MYOF: variants seen among roughly 807,000 people sequenced by gnomAD.
MYOF encodes myoferlin.
Under a neutral mutation model 284.2 loss-of-function variants are expected in MYOF, and 244 were observed. That is an observed-to-expected ratio of 0.86 (90% CI 0.77 to 0.95). The LOEUF (loss-of-function observed/expected upper bound fraction) is 0.95. Ranked by LOEUF, MYOF falls within the 40% of genes least tolerant of loss-of-function variation. The pLI, the probability that MYOF is intolerant of heterozygous loss-of-function variation, is 0.00. For synonymous variants in MYOF, 904 were observed against 919.7 expected, an observed-to-expected ratio of 0.98 and a Z score of 0.31; for missense variants, 2,496 against 2,560.6, an observed-to-expected ratio of 0.97 and a Z score of 0.54.
chr10:93,329,545 A>AT (rs1232826879), intron 44 of MYOF, 119 bp downstream of exon 44: 1 of 1,005,376 alleles, frequency 9.9e-7, no homozygotes, highest in Admixed American at 2.7e-5. Context: ...TGAAATCCAT[A>AT]CCTGAGTGAT....
intron 1 of MYOF, among the ~76,000 whole-genome samples, chr10:93,458,879 T>C (rs1309812918): frequency 2.0e-5 from 3 of 152,214 alleles, no homozygotes; most frequent in African/African-American, 7.2e-5. Context: ...TAGTGGGTTT[T>C]GTTTAGCTAA....
At position 93,351,227 on chromosome 10, in the gene MYOF, G is replaced by T. The variant is rs1178048043; in HGVS notation, c.3891C>A (p.Ile1297=). The T allele has an allele frequency of 2.5e-6, 4 of 1,614,120 alleles. No homozygotes were observed. The Admixed American group carries it at 6.7e-5, about 27-fold the overall frequency. The stretch of plus-strand genomic sequence containing the variant: ...TGGCAGTGAGCTGGACCACAGGCCT[G>T]ATCCCCTGGGGGACCATGTATAGAT... ...APNLYMVPQG[I]RPVVQLTAIE... The change falls in exon 35 of 54, where the codon ATC becomes ATA. Residue 1297 remains isoleucine, a synonymous_variant. Coordinates refer to ENST00000359263, the MANE Select transcript of MYOF (RefSeq NM_013451.4).
intron 3 of MYOF, among the ~76,000 whole-genome samples, chr10:93,436,596 T>C (rs1376310304): frequency 6.6e-6 from 1 of 152,206 alleles, no homozygotes; most frequent in African/African-American, 2.4e-5. Flanking sequence ...ACAGAACTTC[T>C]AGGAGTTTTC....
At chr10:93,455,761 C>A (rs2134323315) in intron 2 of MYOF, among the ~76,000 whole-genome samples, 1 of 152,158 alleles carries the variant, frequency 6.6e-6, no homozygotes, top group South Asian at 2.1e-4. Flanking sequence ...GGAGGGGAGC[C>A]TTCATGGCCT....
intron 7 of MYOF, among the ~76,000 whole-genome samples, chr10:93,405,589 C>T (rs1564691110): frequency 6.6e-6 from 1 of 151,814 alleles, no homozygotes; most frequent in African/African-American, 2.4e-5. Flanking sequence ...CCACCATGCC[C>T]GTTGTTTTGT....
At chr10:93,431,314 T>G in intron 4 of MYOF, 94 bp downstream of exon 4, 6 of 1,020,810 alleles carry the variant, frequency 5.9e-6, no homozygotes, top group Non-Finnish European at 8.9e-6. Flanking sequence ...ATTACAGGTG[T>G]GAGCCACCAC....
rs1485774799 is a variant in MYOF at position 93,401,526 on chromosome 10, C to A, written c.1009G>T (p.Asp337Tyr). The A allele has an allele frequency of 6.2e-7, 1 of 1,614,082 alleles. No individual in the cohort carries two copies. The highest frequency in any genetic ancestry group is 1.3e-5 in the African/African-American group (1 of 75,018). The part of the protein sequence containing the change: ...DEPPPERRDR[D>Y]NDSDDVESNL... ...CTCTCCACATCATCACTGTCATTAT[C>A]ACGATCTCGTCTCTCAGGCTATTAG... The change falls in exon 12 of 54, where the codon GAT becomes TAT. Residue 337 changes from aspartate (D) to tyrosine (Y), a missense_variant. Asp to Tyr is a radical substitution (Grantham distance 160). Coordinates refer to ENST00000359263, the MANE Select transcript of MYOF (RefSeq NM_013451.4).
intron 37 of MYOF, among the ~76,000 whole-genome samples, chr10:93,345,609 A>C (rs891027552): frequency 6.6e-6 from 1 of 152,224 alleles, no homozygotes; most frequent in African/African-American, 2.4e-5. Flanking sequence ...AGTACAGAAC[A>C]AGACAACCAG....
At chr10:93,468,109 C>T (rs542967015) in intron 1 of MYOF, among the ~76,000 whole-genome samples, 78 of 152,270 alleles carry the variant, frequency 5.1e-4, no homozygotes, top group Non-Finnish European at 9.4e-4. Flanking sequence ...ATTCAAGGCA[C>T]AAGAAAGTTA....
intron 5 of MYOF, among the ~76,000 whole-genome samples, chr10:93,416,894 G>A (rs1240380716): frequency 2.6e-5 from 4 of 152,236 alleles, no homozygotes; most frequent in Non-Finnish European, 4.4e-5. Context: ...CACTGCACCC[G>A]GCCATGACCA....
rs11187449 is a variant in MYOF, at chr10:93,476,684, C to T, written c.88+5423G>A. ...GAGATTAACTCCCTTTCAGATAAGCCATTACAGCCCCATTTTTCAAAAGAA... is the reference window on the plus strand; with the variant it reads ...GAGATTAACTCCCTTTCAGATAAGCTATTACAGCCCCATTTTTCAAAAGAA... On this transcript the variant is annotated intron_variant, in intron 1 of 53. Transcript: ENST00000359263. Among the ~76,000 whole-genome samples, 665 of 152,096 alleles carry T rather than the reference C, an allele frequency of 4.4e-3. 10 individuals carry two copies. In the East Asian group the frequency reaches 0.049, roughly 11 times the overall value.
At chr10:93,439,623 G>C (rs867414585) in intron 3 of MYOF, among the ~76,000 whole-genome samples, 2 of 152,182 alleles carry the variant, frequency 1.3e-5, no homozygotes, top group Admixed American at 1.3e-4. Flanking sequence ...TAACTTCTCC[G>C]AGCTTCAGTT....
chr10:93,327,076 C>A (rs1843081603), intron 45 of MYOF, among the ~76,000 whole-genome samples: 1 of 152,072 alleles, frequency 6.6e-6, no homozygotes, highest in African/African-American at 2.4e-5. Flanking sequence ...AAGGCTTAGA[C>A]ACAAAAGGCC....
intron 47 of MYOF, 21 bp downstream of exon 47, chr10:93,323,249 G>T (rs1169336863): frequency 6.2e-7 from 1 of 1,613,866 alleles, no homozygotes; most frequent in Admixed American, 1.7e-5. Context: ...ATGTATCAGG[G>T]TCTCAGGATG....
chr10:93,360,789 C>T (rs1175533307), intron 28 of MYOF, among the ~76,000 whole-genome samples: 1 of 152,166 alleles, frequency 6.6e-6, no homozygotes, highest in South Asian at 2.1e-4. Flanking sequence ...CAGGGGGGCC[C>T]TGAATGTGAT....
intron 31 of MYOF, among the ~76,000 whole-genome samples, chr10:93,354,555 T>C (rs1411905330): frequency 6.6e-6 from 1 of 152,140 alleles, no homozygotes; most frequent in Non-Finnish European, 1.5e-5. Context: ...TCTATACTAC[T>C]TCAGCATCAG....
At chr10:93,354,949 G>A (rs1844730227) in intron 31 of MYOF, among the ~76,000 whole-genome samples, 1 of 152,172 alleles carries the variant, frequency 6.6e-6, no homozygotes, top group African/African-American at 2.4e-5. Context: ...ATAAGCATTT[G>A]CTAATATTAT....
intron 1 of MYOF, among the ~76,000 whole-genome samples, chr10:93,472,897 C>G (rs1156380126): frequency 1.3e-5 from 2 of 152,124 alleles, no homozygotes; most frequent in Non-Finnish European, 1.5e-5. Context: ...GCATAAAAGC[C>G]AGAAGACATG....
intron 3 of MYOF, among the ~76,000 whole-genome samples, chr10:93,446,156 G>A (rs1311173042): frequency 1.3e-5 from 2 of 151,734 alleles, no homozygotes; most frequent in Non-Finnish European, 2.9e-5. Flanking sequence ...GGCGGTGGAG[G>A]GGCAGGAAAT....
Sources: gnomAD v4.1 joint callset for allele counts (sites outside exome capture counted in the v4.1 genomes callset) on GRCh38, gnomAD v4.1.1 for gene constraint, MANE v1.5 for transcripts, NCBI Gene and HGNC (gene_info 2026-07-23, HGNC 2026-07-21) for gene names.